The following KCNIP4 variants were observed in gnomAD, a reference collection of about 807,000 sequenced individuals.
KCNIP4 encodes the protein Kv channel-interacting protein 4.
KCNIP4 carries 12 observed loss-of-function variants against 34.0 expected under a neutral mutation model. The ratio of observed to expected loss-of-function variants is 0.35; its 90% confidence interval spans 0.23 to 0.57. KCNIP4 has a LOEUF of 0.57. KCNIP4 is among the 20% of genes least tolerant of loss of function. The probability of loss-of-function intolerance (pLI) is 0.83; values close to 1 mark genes in which losing one functional copy is unlikely to be tolerated. For missense variants in KCNIP4, 238 were observed against 311.7 expected, an observed-to-expected ratio of 0.76 and a Z score of 1.78; for synonymous variants, 124 against 102.2, an observed-to-expected ratio of 1.21 and a Z score of -1.29.
chr4:20,956,024 C>G (rs559583595), intron 1 of KCNIP4, among the ~76,000 whole-genome samples: 2 of 152,202 alleles, frequency 1.3e-5, no homozygotes, highest in Non-Finnish European at 2.9e-5. Context: ...TTGACACTTA[C>G]TGACCTTCTA....
chr4:21,545,099 T>G lies in KCNIP4; in HGVS notation c.61+403472A>C, dbSNP rs143968592. 4.8e-4 allele frequency among the ~76,000 whole-genome samples: 73 copies of G among 152,258 alleles called. No homozygotes were observed. The East Asian group carries it at 8.3e-3, about 17-fold the overall frequency. The stretch of plus-strand genomic sequence containing the variant: ...AAGCAAGATAGCAAGGAGAGTGACC[T>G]CTGGTCGTCCTCACTGCTCATTATA... On this transcript the variant is annotated intron_variant, in intron 1 of 8. Coordinates refer to ENST00000382152, the MANE Select transcript of KCNIP4 (RefSeq NM_025221.6).
chr4:21,350,571 A>T (rs1178055116), intron 1 of KCNIP4, among the ~76,000 whole-genome samples: 1 of 152,206 alleles, frequency 6.6e-6, no homozygotes, highest in Non-Finnish European at 1.5e-5. Flanking sequence ...AGAACTGATT[A>T]TTATGCCCAG....
chr4:21,381,612 G>T (rs1721512956), intron 1 of KCNIP4, among the ~76,000 whole-genome samples: 2 of 152,172 alleles, frequency 1.3e-5, no homozygotes, highest in Admixed American at 6.5e-5. Flanking sequence ...GTTAAAGTTT[G>T]AATTCACTAT....
intron 1 of KCNIP4, among the ~76,000 whole-genome samples, chr4:21,247,936 C>CACAT (rs1553845813): frequency 1.5e-5 from 2 of 133,540 alleles, no homozygotes; most frequent in African/African-American, 5.8e-5. Context: ...TATATACACA[C>CACAT]ATATATATAT....
In KCNIP4 at chr4:21,608,941, T is replaced by G. The variant is rs187771950; in HGVS notation, c.61+339630A>C. On this transcript the variant is annotated intron_variant, in intron 1 of 8. Coordinates refer to ENST00000382152, the MANE Select transcript of KCNIP4 (RefSeq NM_025221.6). ...AACAAGTCACCCGGAGCACACAGACTAGAGGTAGGTGGTGCTTCCTCACAG... is the reference window on the plus strand; with the variant it reads ...AACAAGTCACCCGGAGCACACAGACGAGAGGTAGGTGGTGCTTCCTCACAG... 84 of 152,362 alleles carry G rather than the reference T, an allele frequency of 5.5e-4. 1 individual carries two copies. Among genetic ancestry groups the G allele is most frequent in the African/African-American group, 2.0e-3 (83 of 41,550 alleles). The allele number at this position is 152,362 out of a possible 1,614,324, so 9.4% of individuals were successfully genotyped here.
intron 1 of KCNIP4, among the ~76,000 whole-genome samples, chr4:21,119,998 G>A (rs577319129): frequency 6.6e-6 from 1 of 152,130 alleles, no homozygotes. Context: ...TGAGACTCCT[G>A]GGAAGGGAAG....
chr4:20,908,334 G>A (rs967945897), intron 1 of KCNIP4, among the ~76,000 whole-genome samples: 6 of 152,118 alleles, frequency 3.9e-5, no homozygotes, highest in African/African-American at 1.2e-4. Flanking sequence ...TCCTGACCTC[G>A]TGATCCGCCT....
intron 1 of KCNIP4, among the ~76,000 whole-genome samples, chr4:21,531,812 T>C (rs1181942932): frequency 6.6e-6 from 1 of 152,188 alleles, no homozygotes; most frequent in Non-Finnish European, 1.5e-5. Context: ...GATTATTTTT[T>C]TTAACCTAGT....
At chr4:21,469,336 G>A (rs949917739) in intron 1 of KCNIP4, among the ~76,000 whole-genome samples, 2 of 152,000 alleles carry the variant, frequency 1.3e-5, no homozygotes, top group African/African-American at 2.4e-5. Flanking sequence ...ATGAGCCACC[G>A]CACCTGGCCA....
intron 1 of KCNIP4, among the ~76,000 whole-genome samples, chr4:21,526,434 A>G (rs1735980913): frequency 6.6e-6 from 1 of 152,136 alleles, no homozygotes; most frequent in Non-Finnish European, 1.5e-5. Context: ...TAAATTATGC[A>G]GTCTCGAGTA....
At chr4:20,824,783 C>T (rs1343845126) in intron 3 of KCNIP4, among the ~76,000 whole-genome samples, 1 of 151,770 alleles carries the variant, frequency 6.6e-6, no homozygotes, top group African/African-American at 2.4e-5. Context: ...GAATAGGTAA[C>T]ATTAAAGGAT....
chr4:21,426,494 G>T (rs763621353), intron 1 of KCNIP4, among the ~76,000 whole-genome samples: 8 of 152,116 alleles, frequency 5.3e-5, no homozygotes, highest in Non-Finnish European at 1.0e-4. Flanking sequence ...TACACAGAAA[G>T]GAGAAAAATG....
intron 1 of KCNIP4, among the ~76,000 whole-genome samples, chr4:21,721,491 C>A (rs1177717422): frequency 2.6e-5 from 4 of 152,144 alleles, no homozygotes; most frequent in Non-Finnish European, 5.9e-5. Flanking sequence ...CTACACTTTA[C>A]AAAGTTCGAC....
intron 1 of KCNIP4, among the ~76,000 whole-genome samples, chr4:21,280,084 G>A (rs1401209123): frequency 6.6e-6 from 1 of 152,124 alleles, no homozygotes; most frequent in African/African-American, 2.4e-5. Flanking sequence ...TTTTGATGTT[G>A]CATTAGCAGA....
chr4:21,008,335 A>G (rs1417354797), intron 1 of KCNIP4, among the ~76,000 whole-genome samples: 1 of 152,206 alleles, frequency 6.6e-6, no homozygotes, highest in Non-Finnish European at 1.5e-5. Context: ...AAAGTGTGAT[A>G]AACAATTTTG....
intron 1 of KCNIP4, among the ~76,000 whole-genome samples, chr4:21,654,387 T>A (rs1316948095): frequency 6.6e-6 from 1 of 152,152 alleles, no homozygotes; most frequent in Non-Finnish European, 1.5e-5. Flanking sequence ...ACACTTCCAC[T>A]CGCAATGGCA....
chr4:21,176,678 C>T (rs868257994), intron 1 of KCNIP4, among the ~76,000 whole-genome samples: 7 of 152,242 alleles, frequency 4.6e-5, no homozygotes, highest in Non-Finnish European at 7.4e-5. Flanking sequence ...TGTGCCACCA[C>T]GCCCAGCTAA....
chr4:21,456,775 A>G lies in KCNIP4; in HGVS notation c.61+491796T>C, dbSNP rs959165423. Among the ~76,000 whole-genome samples, 3 of 152,066 alleles carry G rather than the reference A, an allele frequency of 2.0e-5. 1 individual carries two copies. The highest frequency in any genetic ancestry group is 7.2e-5 in the African/African-American group (3 of 41,392). ...TGGGTGGTCCCCACTGTTCTCACATAGCCAAATAAGTTATTCCATTACAAA... is the reference window on the plus strand; with the variant it reads ...TGGGTGGTCCCCACTGTTCTCACATGGCCAAATAAGTTATTCCATTACAAA... On this transcript the variant is annotated intron_variant, in intron 1 of 8. Coordinates refer to ENST00000382152, the MANE Select transcript of KCNIP4 (RefSeq NM_025221.6).
chr4:21,603,185 C>G (rs1289613765), intron 1 of KCNIP4, among the ~76,000 whole-genome samples: 1 of 152,116 alleles, frequency 6.6e-6, no homozygotes, highest in Non-Finnish European at 1.5e-5. Context: ...CATTTATTTA[C>G]TAACTTTGCA....
Sources: gnomAD v4.1 joint callset for allele counts (sites outside exome capture counted in the v4.1 genomes callset) on GRCh38, gnomAD v4.1.1 for gene constraint, MANE v1.5 for transcripts, NCBI Gene and HGNC (gene_info 2026-07-23, HGNC 2026-07-21) for gene names.